The following OTOF variants were observed in gnomAD, a reference collection of about 807,000 sequenced individuals.
OTOF encodes the protein fer-1-like family member 2.
OTOF carries 218 observed loss-of-function variants against 236.8 expected under a neutral mutation model. The observed-to-expected ratio is 0.92, with a 90% confidence interval of 0.82 to 1.03. The LOEUF (loss-of-function observed/expected upper bound fraction) is 1.03, where lower values mean the gene tolerates loss of function less well. OTOF is among the 50% of genes least tolerant of loss of function. The pLI, the probability that OTOF is intolerant of heterozygous loss-of-function variation, is 0.00. For missense variants in OTOF, 2,590 were observed against 2,694.4 expected, an observed-to-expected ratio of 0.96 and a Z score of 0.86; for synonymous variants, 1,041 against 1,072.5, an observed-to-expected ratio of 0.97 and a Z score of 0.57.
intron 12 of OTOF, 104 bp from the exon 13 acceptor site, chr2:26,483,752 G>A: frequency 2.0e-6 from 2 of 1,017,198 alleles, no homozygotes; most frequent in South Asian, 1.4e-5. Context: ...CTAAGGGACA[G>A]CTGAGGGAGC....
At chr2:26,524,231 G>A (rs1666747211) in intron 3 of OTOF, among the ~76,000 whole-genome samples, 1 of 149,146 alleles carries the variant, frequency 6.7e-6, no homozygotes, top group African/African-American at 2.4e-5. Context: ...ATACAGGCTG[G>A]ATTTGGTGGC....
chr2:26,535,606 G>C (rs1235573741), intron 2 of OTOF, among the ~76,000 whole-genome samples: 2 of 152,142 alleles, frequency 1.3e-5, no homozygotes, highest in East Asian at 3.9e-4. Context: ...CCTGCTCTCT[G>C]ACCCTAGTCA....
rs1664459484 is a variant in OTOF, at chr2:26,461,489, G to A, written c.5533+207C>T. 6.6e-6 allele frequency among the ~76,000 whole-genome samples: 1 copy of A among 151,932 alleles called. No homozygotes were observed. Among genetic ancestry groups the A allele is most frequent in the Non-Finnish European group, 1.5e-5 (1 of 67,996 alleles). On this transcript the variant is annotated intron_variant, in intron 43 of 46. Transcript: ENST00000272371. The surrounding 1 kb of genome is among the most constrained non-coding windows in gnomAD (Gnocchi z 6.2). ...TTGGTGTGTCCAAAGCTTGTTGTCA[G>A]CCTGGTTATGACACTGAGAACATCT...
In OTOF at chr2:26,558,560, G is replaced by T; in HGVS notation, c.12C>A (p.Leu4=). The T allele has an allele frequency of 6.2e-7, 1 of 1,613,882 alleles. No individual in the cohort carries two copies. The highest frequency in any genetic ancestry group is 1.1e-5 in the South Asian group (1 of 91,056). MAL[L]IHLKTVSELR... ...GCTCCGAGACTGTCTTGAGGTGGATGAGCAAGGCCATGCTGGTGTGGGCTG... is the reference window on the plus strand; with the variant it reads ...GCTCCGAGACTGTCTTGAGGTGGATTAGCAAGGCCATGCTGGTGTGGGCTG... The change falls in exon 1 of 47, where the codon CTC becomes CTA. Residue 4 remains leucine (L), a synonymous_variant. Coordinates refer to ENST00000272371, the MANE Select transcript of OTOF (RefSeq NM_194248.3).
chr2:26,485,086 C>T (rs1394880407), intron 11 of OTOF, among the ~76,000 whole-genome samples: 1 of 152,180 alleles, frequency 6.6e-6, no homozygotes, highest in African/African-American at 2.4e-5. Flanking sequence ...CCTGCAGGCT[C>T]CTGATTTAGT....
In OTOF at chr2:26,519,056, A is replaced by C. The variant is rs773490121; in HGVS notation, c.281T>G (p.Val94Gly). Reference sequence around the variant, plus strand: ...ATCAATCAGCGTGTCAGTCACCTCCACATGGCTCTCCTCTACCACCTTCTG... The same window carrying C: ...ATCAATCAGCGTGTCAGTCACCTCCCCATGGCTCTCCTCTACCACCTTCTG... Reference protein sequence around the residue: ...VLQKVVEESHVEVTDTLIDDN... With the variant: ...VLQKVVEESHGEVTDTLIDDN... The change falls in exon 4 of 47, where the codon GTG becomes GGG. Residue 94 changes from valine to glycine, a missense_variant. Physicochemically the swap from Val to Gly is moderately radical, Grantham distance 109. This residue lies in a region of OTOF where 1,379 missense variants were observed against 1,341.6 expected (regional missense o/e 1.03). Transcript: ENST00000272371. 5 of 1,610,184 alleles carry C rather than the reference A, an allele frequency of 3.1e-6. No individual in the cohort carries two copies. In the Admixed American group the frequency reaches 8.4e-5, roughly 27 times the overall value.
At chr2:26,474,404 C>T in intron 26 of OTOF, 109 bp downstream of exon 26, 1 of 806,332 alleles carries the variant, frequency 1.2e-6, no homozygotes, top group Non-Finnish European at 1.9e-6. Flanking sequence ...GGCCCCACCC[C>T]CAGGCCCCAG....
chr2:26,541,007 A>C (rs1667200504), intron 1 of OTOF, among the ~76,000 whole-genome samples: 1 of 152,248 alleles, frequency 6.6e-6, no homozygotes, highest in Non-Finnish European at 1.5e-5. Context: ...TAAATTGAGA[A>C]TCAGCTGAGC....
rs554136061 is a variant in OTOF at position 26,495,663 on chromosome 2, T to A, written c.766-590A>T. ...CTGTTCTCAAACTCCCGGCCTCAAG[T>A]GATCTGTCTGCCTCGGCCTCCCAAA... is the stretch of plus-strand genomic sequence containing the variant. On this transcript the variant is annotated intron_variant, in intron 8 of 46. Transcript: ENST00000272371. 6.6e-5 allele frequency among the ~76,000 whole-genome samples: 10 copies of A among 152,204 alleles called. No individual in the cohort carries two copies. In the South Asian group the frequency reaches 2.1e-3, roughly 32 times the overall value.
Position 26,545,282 on chromosome 2 carries a change from T to G in OTOF, c.80-7508A>C, listed in dbSNP as rs959239070. Among the ~76,000 whole-genome samples the G allele has an allele frequency of 2.6e-5, 4 of 152,336 alleles. No individual in the cohort carries two copies. The East Asian group carries it at 7.7e-4, about 29-fold the overall frequency. On this transcript the variant is annotated intron_variant, in intron 1 of 46. Coordinates refer to ENST00000272371, the MANE Select transcript of OTOF (RefSeq NM_194248.3). ...GGATGTTGATCACATTTTCACATGTTTATTGGCCATACGTCTATCTTATTC... is the reference window on the plus strand; with the variant it reads ...GGATGTTGATCACATTTTCACATGTGTATTGGCCATACGTCTATCTTATTC...
At chr2:26,531,394 G>T (rs986614434) in intron 2 of OTOF, among the ~76,000 whole-genome samples, 3 of 152,190 alleles carry the variant, frequency 2.0e-5, no homozygotes, top group Non-Finnish European at 2.9e-5. Flanking sequence ...GAAAAGAGGG[G>T]GGTGACAATA....
chr2:26,502,621 T>C (rs1168754563), intron 6 of OTOF, among the ~76,000 whole-genome samples, 195 bp from the exon 7 acceptor site: 1 of 152,178 alleles, frequency 6.6e-6, no homozygotes, highest in Admixed American at 6.5e-5. Flanking sequence ...ATGGCCATTA[T>C]GTCTGGTCTT....
rs1664941560 is a variant in OTOF at position 26,470,850 on chromosome 2, T to C, written c.3895-129A>G. 1 of 1,497,730 alleles carries C rather than the reference T, an allele frequency of 6.7e-7. No homozygotes were observed. Among genetic ancestry groups the C allele is most frequent in the Non-Finnish European group, 9.0e-7 (1 of 1,109,206 alleles). 92.8% of individuals were successfully genotyped at this position (1,497,730 alleles called of 1,614,324 possible). A position where few individuals can be genotyped will look rare whatever the true frequency, so the allele number is the denominator to read the frequency against. On this transcript the variant is annotated intron_variant, in intron 31 of 46. Transcript: ENST00000272371. This position sits in a 1 kb window ranked among gnomAD's most constrained non-coding sequence, Gnocchi z 4.3. ...CCATGAGGCTCTGTGGGGCCACCCA[T>C]GTCCAAGGGGCAGGGCCTTATTTTA... is the stretch of plus-strand genomic sequence containing the variant.
At chr2:26,514,339 T>G (rs1666466324) in intron 5 of OTOF, among the ~76,000 whole-genome samples, 1 of 152,198 alleles carries the variant, frequency 6.6e-6, no homozygotes, top group South Asian at 2.1e-4. Context: ...GCTGCTACCC[T>G]GGGAGGGGCC....
At chr2:26,478,039 A>AGGG (rs1330412483) in intron 18 of OTOF, 1 of 1,438,518 alleles carries the variant, frequency 7.0e-7, no homozygotes, top group Non-Finnish European at 9.1e-7. Flanking sequence ...GGCAGAACTC[A>AGGG]CGGCTACGGG....
intron 24 of OTOF, 76 bp from the exon 25 acceptor site, chr2:26,475,569 T>TCACTCAGCTTC: frequency 6.6e-7 from 1 of 1,508,534 alleles, no homozygotes; most frequent in Non-Finnish European, 9.2e-7. Flanking sequence ...CCACCCCTAC[T>TCACTCAGCTTC]CACTCAGCTT....
chr2:26,518,935 T>C (rs1382814275), intron 4 of OTOF, 75 bp downstream of exon 4: 1 of 1,024,278 alleles, frequency 9.8e-7, no homozygotes, highest in African/African-American at 1.6e-5. Flanking sequence ...GACCACCCCA[T>C]GTGTGAGGCA....
chr2:26,491,990 C>A (rs1665860637), intron 9 of OTOF, among the ~76,000 whole-genome samples: 1 of 152,164 alleles, frequency 6.6e-6, no homozygotes, highest in South Asian at 2.1e-4. Context: ...TTAATGGAGC[C>A]AAAGGAAGGT....
rs55763868 is a variant in OTOF, at chr2:26,484,725, T to A, written c.1046-92A>T. 85,957 of 1,348,662 alleles carry A rather than the reference T, an allele frequency of 0.064. 3,045 individuals are homozygous for A. Among genetic ancestry groups the A allele is most frequent in the African/African-American group, 0.081 (5,640 of 69,694 alleles). 83.5% of individuals were successfully genotyped at this position (1,348,662 alleles called of 1,614,324 possible). ...CAGGCCAAGGGGTGGCAGAACCAAA[T>A]GCTGTCTTGGTCCCTAGAGTCCCGG... is the stretch of plus-strand genomic sequence containing the variant. On this transcript the variant is annotated intron_variant, in intron 11 of 46. Transcript: ENST00000272371.
Sources: gnomAD v4.1 joint callset for allele counts (sites outside exome capture counted in the v4.1 genomes callset) on GRCh38, gnomAD v4.1.1 for gene constraint, gnomAD v4.1.1 regional missense constraint, Gnocchi (gnomAD v3.1) non-coding constraint, MANE v1.5 for transcripts, NCBI Gene and HGNC (gene_info 2026-07-23, HGNC 2026-07-21) for gene names.